Variants in GSAP observed in about 807,000 individuals in gnomAD.
GSAP encodes the protein gamma-secretase-activating protein.
A neutral mutation model predicts 131.7 loss-of-function variants in GSAP; 118 were observed. That is an observed-to-expected ratio of 0.90 (90% confidence interval 0.77 to 1.04). The LOEUF is 1.04. Among genes scored for constraint, GSAP ranks in the 50% least tolerant of loss-of-function variants. The pLI, the probability that GSAP is intolerant of heterozygous loss-of-function variation, is 0.00. For missense variants in GSAP, 1,019 were observed against 1,013.2 expected, an observed-to-expected ratio of 1.01 and a Z score of -0.08; for synonymous variants, 381 against 363.4, an observed-to-expected ratio of 1.05 and a Z score of -0.55.
In GSAP at chr7:77,395,298, C is replaced by T. The variant is rs562549391; in HGVS notation, c.367+1684G>A. On this transcript the variant is annotated intron_variant, in intron 5 of 30. Transcript: ENST00000257626. The stretch of plus-strand genomic sequence containing the variant: ...CCAACCCAAGTTTCTACACAGATGC[C>T]CACCCTCACCACCTCCAGGAACACA... 4.6e-5 allele frequency among the ~76,000 whole-genome samples: 7 copies of T among 152,176 alleles called. No individual in the cohort carries two copies. In the East Asian group the frequency reaches 1.4e-3, roughly 29 times the overall value.
chr7:77,339,712 TAC>T (rs71961306), intron 19 of GSAP, among the ~76,000 whole-genome samples: 21,762 of 149,156 alleles, frequency 0.15, 1,999 homozygotes, highest in East Asian at 0.44. Context: ...TACTCCATTT[TAC>T]ACACACCCAC....
chr7:77,390,021 T>C (rs1008397517), intron 5 of GSAP, among the ~76,000 whole-genome samples: 3 of 152,252 alleles, frequency 2.0e-5, no homozygotes, highest in Admixed American at 2.0e-4. Flanking sequence ...GATTTGCATG[T>C]CTCTGATGGC....
chr7:77,367,951 T>G (rs866842010), intron 12 of GSAP, among the ~76,000 whole-genome samples: 2 of 152,192 alleles, frequency 1.3e-5, no homozygotes, highest in Non-Finnish European at 2.9e-5. Context: ...TGTCCAGGAA[T>G]TTATCTGTCT....
At chr7:77,328,308 TCCTGTGGGC>T in intron 22 of GSAP, 2 of 1,150,510 alleles carry the variant, frequency 1.7e-6, no homozygotes, top group Non-Finnish European at 2.1e-6. Flanking sequence ...CCAAAATGCA[TCCTGTGGGC>T]ACAGCCAGAG....
chr7:77,386,014 T>C (rs934942722), intron 6 of GSAP, among the ~76,000 whole-genome samples: 1 of 152,160 alleles, frequency 6.6e-6, no homozygotes, highest in Admixed American at 6.5e-5. Context: ...TTCTGTAAAG[T>C]CACCACAAAT....
intron 19 of GSAP, among the ~76,000 whole-genome samples, chr7:77,338,818 T>C (rs1379967350): frequency 6.6e-6 from 1 of 152,196 alleles, no homozygotes; most frequent in Non-Finnish European, 1.5e-5. Context: ...CATAGCAATA[T>C]TGCAATTTAT....
chr7:77,381,298 T>C lies in GSAP; in HGVS notation c.576+7A>G, dbSNP rs535186815. 4 of 1,524,940 alleles carry C rather than the reference T, an allele frequency of 2.6e-6. No individual in the cohort carries two copies. The African/African-American group carries it at 4.2e-5, about 16-fold the overall frequency. The allele number at this position is 1,524,940 out of a possible 1,614,324, so 94.5% of individuals were successfully genotyped here. The stretch of plus-strand genomic sequence containing the variant: ...CCTATGAAGCGAAAAGAATTTCAAA[T>C]CTTTACCACTCTATTTCCATCTTCT... On this transcript the variant is annotated splice_region_variant and intron_variant, in intron 8 of 30. Coordinates refer to ENST00000257626, the MANE Select transcript of GSAP (RefSeq NM_017439.4).
chr7:77,365,931 T>TA (rs1278985892), intron 12 of GSAP, among the ~76,000 whole-genome samples: 1 of 140,194 alleles, frequency 7.1e-6, no homozygotes, highest in African/African-American at 2.7e-5. Context: ...TTACTTTTAA[T>TA]AATAGCCATT....
chr7:77,406,436 T>C (rs1454146141), intron 1 of GSAP, among the ~76,000 whole-genome samples: 3 of 152,228 alleles, frequency 2.0e-5, no homozygotes, highest in Non-Finnish European at 4.4e-5. Context: ...AAATTTCAAG[T>C]ATCTATTAGT....
At chr7:77,352,381 A>G (rs1793015697) in intron 18 of GSAP, among the ~76,000 whole-genome samples, 1 of 152,270 alleles carries the variant, frequency 6.6e-6, no homozygotes, top group Non-Finnish European at 1.5e-5. Flanking sequence ...TGTCTACTGT[A>G]CCATATTCAA....
At chr7:77,331,397 T>C (rs570922471) in intron 19 of GSAP, among the ~76,000 whole-genome samples, 1 of 152,348 alleles carries the variant, frequency 6.6e-6, no homozygotes, top group South Asian at 2.1e-4. Flanking sequence ...GGATACTTTT[T>C]GCCAAAATAT....
At chr7:77,374,857 T>C (rs1796618641) in intron 11 of GSAP, among the ~76,000 whole-genome samples, 2 of 152,190 alleles carry the variant, frequency 1.3e-5, no homozygotes, top group Non-Finnish European at 2.9e-5. Flanking sequence ...AAGAAAATCA[T>C]ACAATTGACC....
intron 3 of GSAP, among the ~76,000 whole-genome samples, chr7:77,402,435 GA>G (rs995269037): frequency 3.5e-5 from 5 of 140,980 alleles, no homozygotes; most frequent in African/African-American, 5.2e-5. Flanking sequence ...CACACACACA[GA>G]AAAAAAAGAT....
chr7:77,343,823 A>G (rs1244270092), intron 19 of GSAP, among the ~76,000 whole-genome samples: 4 of 152,102 alleles, frequency 2.6e-5, no homozygotes, highest in Non-Finnish European at 1.5e-5. Context: ...CCTCTTCCAT[A>G]TAGGTTATAA....
intron 19 of GSAP, among the ~76,000 whole-genome samples, chr7:77,332,343 AT>A (rs1218612287): frequency 1.3e-5 from 2 of 152,178 alleles, no homozygotes; most frequent in African/African-American, 4.8e-5. Context: ...GTTTTGTTTT[AT>A]TTTAAATTAA....
intron 26 of GSAP, chr7:77,316,304 T>C (rs1289457067): frequency 6.6e-6 from 1 of 152,196 alleles, no homozygotes; most frequent in Non-Finnish European, 1.5e-5. Flanking sequence ...CTTGGGAAGG[T>C]ACCTGACAAA....
At position 77,320,839 on chromosome 7, in the gene GSAP, C is replaced by T. The variant is rs1355237719; in HGVS notation, c.1995-20G>A. 16 of 1,480,586 alleles carry T rather than the reference C, an allele frequency of 1.1e-5. No homozygotes were observed. Among genetic ancestry groups the T allele is most frequent in the Non-Finnish European group, 1.5e-5 (16 of 1,058,790 alleles). 91.7% of individuals were successfully genotyped at this position (1,480,586 alleles called of 1,614,324 possible). On this transcript the variant is annotated intron_variant, in intron 25 of 30. Coordinates refer to ENST00000257626, the MANE Select transcript of GSAP (RefSeq NM_017439.4). The stretch of plus-strand genomic sequence containing the variant: ...CTATTGCTGGGTAAAAAAAACAAAG[C>T]AGCATGTCAGCCAAGGAGCTCATCT...
intron 19 of GSAP, 60 bp from the exon 20 acceptor site, chr7:77,330,427 A>T: frequency 6.3e-7 from 1 of 1,588,136 alleles, no homozygotes; most frequent in South Asian, 1.2e-5. Flanking sequence ...CAAACCACCC[A>T]GTGAGTATTA....
chr7:77,351,280 G>A lies in GSAP; in HGVS notation c.1491+1664C>T, dbSNP rs1792831511. On this transcript the variant is annotated intron_variant, in intron 18 of 30. Coordinates refer to ENST00000257626, the MANE Select transcript of GSAP (RefSeq NM_017439.4). The stretch of plus-strand genomic sequence containing the variant: ...TGGTTATAAATAGCATTTTAAAAGA[G>A]GTATAGTTGTTTGCAAAACATAATT... The A allele has an allele frequency of 6.3e-6, 6 of 948,406 alleles. No individual in the cohort carries two copies. The South Asian group carries it at 2.0e-4, about 31-fold the overall frequency. 58.7% of individuals were successfully genotyped at this position (948,406 alleles called of 1,614,324 possible).
Sources: allele counts gnomAD v4.1 joint callset (sites outside exome capture counted in the v4.1 genomes callset), GRCh38; gene constraint gnomAD v4.1.1; transcripts MANE v1.5; gene names NCBI Gene and HGNC (gene_info 2026-07-23, HGNC 2026-07-21).